Variants in C8G observed in about 807,000 individuals in gnomAD.
The protein encoded by C8G is complement component C8 gamma chain.
In C8G, 38 loss-of-function variants were observed where a neutral mutation model predicts 29.1. The ratio of observed to expected loss-of-function variants is 1.31; its 90% CI spans 1.01 to 1.71. C8G has a LOEUF of 1.71. C8G is among the 40% of genes most tolerant of loss of function. The pLI is 0.00. For synonymous variants in C8G, 158 were observed against 113.2 expected (o/e 1.40, Z -2.51); for missense variants, 300 against 267.4 (o/e 1.12, Z -0.85).
At position 136,945,936 on chromosome 9, in the gene C8G, A is replaced by T. The variant is rs761755804; in HGVS notation, c.283A>T (p.Ile95Phe). Residue 95 changes from isoleucine (I) to phenylalanine (F), a missense_variant, in exon 3 of 7, where the codon ATC becomes TTC. Transcript: ENST00000371634. ...TCCTCCCCGCCCCCCCAGGGATGGG[A>T]TCTGCTGGCAGGTGCGCCAGCTCTA... ...AVSTFRKLDG[I>F]CWQVRQLYGD... 6.4e-7 allele frequency: 1 copy of T among 1,563,262 alleles called. No individual in the cohort carries two copies.
rs1026681783 is a variant in C8G, at chr9:136,946,692, G to A, written c.595+3G>A. 1.2e-6 allele frequency: 2 copies of A among 1,612,318 alleles called. No homozygotes were observed. The highest frequency in any genetic ancestry group is 1.7e-5 in the Admixed American group (1 of 60,016). ...AGACCAGTTCCACGTCCTGGACGGT[G>A]AGTGCACAGCGGGGCAAGCATGGCG... is the stretch of plus-strand genomic sequence containing the variant. On this transcript the variant is annotated splice_donor_region_variant and intron_variant, in intron 6 of 6. Coordinates refer to ENST00000371634, the MANE Select transcript of C8G (RefSeq NM_000606.3).
At chr9:136,945,882 C>T (rs760703068) in intron 2 of C8G, 47 bp from the exon 3 acceptor site, 7 of 1,547,598 alleles carry the variant, frequency 4.5e-6, no homozygotes, top group Non-Finnish European at 5.2e-6. Flanking sequence ...ACTAGGATTC[C>T]TGGTTGGGGT....
In C8G at chr9:136,945,970, C is replaced by G; in HGVS notation, c.317C>G (p.Thr106Arg). Reference sequence around the variant, plus strand: ...CAGGTGCGCCAGCTCTATGGAGACACAGGGGTCCTCGGCCGCTTCCTGCTT... The same window carrying G: ...CAGGTGCGCCAGCTCTATGGAGACAGAGGGGTCCTCGGCCGCTTCCTGCTT... ...CWQVRQLYGD[T>R]GVLGRFLLQA... The change falls in exon 3 of 7, where the codon ACA (threonine) becomes AGA (arginine). Residue 106 changes from threonine to arginine, a missense_variant. Physicochemically the swap from Thr to Arg is moderately conservative, Grantham distance 71 (BLOSUM62 -1). Coordinates refer to ENST00000371634, the MANE Select transcript of C8G (RefSeq NM_000606.3). 1 of 1,574,858 alleles carries G rather than the reference C, an allele frequency of 6.3e-7. No individual in the cohort carries two copies. Among genetic ancestry groups the G allele is most frequent in the Non-Finnish European group, 8.6e-7 (1 of 1,160,378 alleles).
Position 136,946,756 on chromosome 9 carries a change from T to C in C8G, c.596-12T>C. ...GGCCACTGCCACCGGCTGAGTCTCG[T>C]CTCTGCTGCAGAAGTGAGGAGGTGA... On this transcript the variant is annotated splice_polypyrimidine_tract_variant and intron_variant, in intron 6 of 6. Transcript: ENST00000371634. 1 of 1,604,618 alleles carries C rather than the reference T, an allele frequency of 6.2e-7. No homozygotes were observed. Among genetic ancestry groups the C allele is most frequent in the Non-Finnish European group, 8.5e-7 (1 of 1,178,362 alleles).
At position 136,946,640 on chromosome 9, in the gene C8G, TG is replaced by T. The variant is rs1851050263; in HGVS notation, c.557-8del. On this transcript the variant is annotated splice_polypyrimidine_tract_variant and intron_variant, in intron 5 of 6. Transcript: ENST00000371634. ...CTGATGTCCAGCCTGACCCCTGCCT[TG>T]GGCCCCCAGGCTTCTGCGAGGCTGC... 3.1e-6 allele frequency: 5 copies of T among 1,613,216 alleles called. No homozygotes were observed. The highest frequency in any genetic ancestry group is 1.7e-5 in the Admixed American group (1 of 60,010).
In C8G at chr9:136,945,922, C is replaced by A. The variant is rs1303499889; in HGVS notation, c.276-7C>A. On this transcript the variant is annotated splice_polypyrimidine_tract_variant and splice_region_variant and intron_variant, in intron 2 of 6. Coordinates refer to ENST00000371634, the MANE Select transcript of C8G (RefSeq NM_000606.3). ...CAGCCTGTGGTGCCTCCTCCCCGCC[C>A]CCCCAGGGATGGGATCTGCTGGCAG... 1.3e-6 allele frequency: 2 copies of A among 1,558,244 alleles called. No homozygotes were observed. Among genetic ancestry groups the A allele is most frequent in the East Asian group, 4.8e-5 (2 of 41,642 alleles).
Position 136,946,462 on chromosome 9 carries a change from C to T in C8G, c.455-3C>T. ...GACCCCAGGAACCCTGTCTGCCCTG[C>T]AGCCCGCTCGCTCCCTGTGAGCGAC... On this transcript the variant is annotated splice_region_variant and splice_polypyrimidine_tract_variant and intron_variant, in intron 4 of 6. Transcript: ENST00000371634. 1 of 1,593,810 alleles carries T rather than the reference C, an allele frequency of 6.3e-7. No homozygotes were observed. Among genetic ancestry groups the T allele is most frequent in the Non-Finnish European group, 8.6e-7 (1 of 1,169,226 alleles).
Position 136,945,636 on chromosome 9 carries a change from T to G in C8G, c.141T>G (p.Phe47Leu), listed in dbSNP as rs755028783. Residue 47 changes from phenylalanine (F) to leucine (L), a missense_variant and splice_region_variant, in exon 2 of 7, where the codon TTT becomes TTG. Coordinates refer to ENST00000371634, the MANE Select transcript of C8G (RefSeq NM_000606.3). ...QPKANFDAQQFAGTWLLVAVG... is the reference protein window; with the variant it reads ...QPKANFDAQQLAGTWLLVAVG... ...GTTCTCCCATGGTCTGCCCCCAGTT[T>G]GCAGGGACCTGGCTCCTTGTGGCTG... 6.2e-7 allele frequency: 1 copy of G among 1,609,472 alleles called. No individual in the cohort carries two copies. Among genetic ancestry groups the G allele is most frequent in the East Asian group, 2.2e-5 (1 of 44,838 alleles).
intron 4 of C8G, 69 bp downstream of exon 4, chr9:136,946,261 G>A (rs1288817484): frequency 2.2e-5 from 32 of 1,428,488 alleles, no homozygotes; most frequent in Non-Finnish European, 1.9e-5. Context: ...GCCACCCCGA[G>A]GGGCTGGGTG....
chr9:136,946,350 C>T (rs1283463033), intron 4 of C8G, 115 bp from the exon 5 acceptor site: 2 of 1,427,666 alleles, frequency 1.4e-6, no homozygotes, highest in African/African-American at 2.9e-5. Context: ...GACAGACAGG[C>T]CTGGTGTGGG....
At chr9:136,946,728 G>T in intron 6 of C8G, 39 bp downstream of exon 6, 1 of 1,609,556 alleles carries the variant, frequency 6.2e-7, no homozygotes. Flanking sequence ...GCGTGGTGAG[G>T]GGGGCCACTG....
Position 136,946,453 on chromosome 9 carries a change from T to A in C8G, c.455-12T>A. 1 of 1,584,630 alleles carries A rather than the reference T, an allele frequency of 6.3e-7. No homozygotes were observed. Among genetic ancestry groups the A allele is most frequent in the Non-Finnish European group, 8.6e-7 (1 of 1,164,540 alleles). ...TGGTGCCAGGACCCCAGGAACCCTGTCTGCCCTGCAGCCCGCTCGCTCCCT... is the reference window on the plus strand; with the variant it reads ...TGGTGCCAGGACCCCAGGAACCCTGACTGCCCTGCAGCCCGCTCGCTCCCT... On this transcript the variant is annotated splice_polypyrimidine_tract_variant and intron_variant, in intron 4 of 6. Coordinates refer to ENST00000371634, the MANE Select transcript of C8G (RefSeq NM_000606.3).
At chr9:136,946,240 ACACT>A (rs1851035146) in intron 4 of C8G, 48 bp downstream of exon 4, 1 of 1,487,084 alleles carries the variant, frequency 6.7e-7, no homozygotes, top group African/African-American at 1.4e-5. Flanking sequence ...CAAGCTCTGC[ACACT>A]CACTGGGCCA....
At position 136,945,475 on chromosome 9, in the gene C8G, G is replaced by A. The variant is rs199870052; in HGVS notation, c.138+17G>A. On this transcript the variant is annotated intron_variant, in intron 1 of 6. Coordinates refer to ENST00000371634, the MANE Select transcript of C8G (RefSeq NM_000606.3). ...GCTCAGCAGGTAGAAGTTGGGGGGG[G>A]TAGAGGGAGGCAGGTAGAAGTTGTG... 5.0e-5 allele frequency: 78 copies of A among 1,559,940 alleles called. No homozygotes were observed. In the African/African-American group the frequency reaches 8.7e-4, roughly 17 times the overall value.
At position 136,946,093 on chromosome 9, in the gene C8G, G is replaced by A. The variant is rs576335345; in HGVS notation, c.355G>A (p.Ala119Thr). The change falls in exon 4 of 7, where the codon GCC becomes ACC. Residue 119 changes from alanine to threonine, a missense_variant. By Grantham distance (58) the Ala-to-Thr change is moderately conservative. Coordinates refer to ENST00000371634, the MANE Select transcript of C8G (RefSeq NM_000606.3). ...LGRFLLQARD[A>T]RGAVHVVVAE... is the part of the protein sequence containing the mutation. ...CTGTGGCTCTGCCCCAGCCCGAGAC[G>A]CCCGAGGGGCTGTGCACGTGGTTGT... is the stretch of plus-strand genomic sequence containing the variant. The A allele has an allele frequency of 9.6e-5, 154 of 1,602,216 alleles. 1 individual carries two copies. The African/African-American group carries it at 1.3e-3, about 14-fold the overall frequency.
In C8G at chr9:136,946,466, C is replaced by CCGCT; in HGVS notation, c.462_465dup (p.Pro156AlafsTer12). 1 of 1,598,024 alleles carries CCGCT rather than the reference C, an allele frequency of 6.3e-7. No homozygotes were observed. On this transcript the variant is annotated frameshift_variant and splice_region_variant, in exon 5 of 7. Transcript: ENST00000371634. LOFTEE classifies it high-confidence loss of function. ...CCAGGAACCCTGTCTGCCCTGCAGCCCGCTCGCTCCCTGTGAGCGACTCGG... is the reference window on the plus strand; with the variant it reads ...CCAGGAACCCTGTCTGCCCTGCAGCCCGCTCGCTCGCTCCCTGTGAGCGACTCGG...
In C8G at chr9:136,946,324, G is replaced by A. The variant is rs1430256637; in HGVS notation, c.454+132G>A. 5 of 1,380,196 alleles carry A rather than the reference G, an allele frequency of 3.6e-6. No individual in the cohort carries two copies. In the African/African-American group the frequency reaches 4.4e-5, roughly 12 times the overall value. 85.5% of individuals were successfully genotyped at this position (1,380,196 alleles called of 1,614,324 possible). Reference sequence around the variant, plus strand: ...CCATCCTGATCCTCCTGCTAAGCAGGGGCCCAGGGAGTAGTGACAGACAGG... The same window carrying A: ...CCATCCTGATCCTCCTGCTAAGCAGAGGCCCAGGGAGTAGTGACAGACAGG... On this transcript the variant is annotated intron_variant, in intron 4 of 6. Transcript: ENST00000371634.
At position 136,945,299 on chromosome 9, in the gene C8G, C is replaced by T. The variant is rs771873095; in HGVS notation, c.-22C>T. On this transcript the variant is annotated 5_prime_UTR_variant, in exon 1 of 7. Coordinates refer to ENST00000371634, the MANE Select transcript of C8G (RefSeq NM_000606.3). ...GTGCTACCCTTGGCCTCCCACAGTC[C>T]TGCCACCCTGCTGCCGCCACCATGC... 1.3e-6 allele frequency: 2 copies of T among 1,585,988 alleles called. No homozygotes were observed. Among genetic ancestry groups the T allele is most frequent in the African/African-American group, 1.3e-5 (1 of 74,576 alleles).
At position 136,946,658 on chromosome 9, in the gene C8G, C is replaced by A; in HGVS notation, c.564C>A (p.Cys188Ter). 6.2e-7 allele frequency: 1 copy of A among 1,613,040 alleles called. No homozygotes were observed. The highest frequency in any genetic ancestry group is 8.5e-7 in the Non-Finnish European group (1 of 1,179,940). The change falls in exon 6 of 7, where the codon TGC becomes TGA. Residue 188 changes from cysteine (C) to a stop codon, truncating the protein, a stop_gained. Transcript: ENST00000371634. LOFTEE classifies it high-confidence loss of function. Reference protein sequence around the residue: ...QIFYFPKYGFCEAADQFHVLD... With the variant: ...QIFYFPKYGF ...CCTGCCTTGGGCCCCCAGGCTTCTG[C>A]GAGGCTGCAGACCAGTTCCACGTCC...
Sources: gnomAD v4.1 joint callset for allele counts on GRCh38, gnomAD v4.1.1 for gene constraint, MANE v1.5 for transcripts, NCBI Gene and HGNC (gene_info 2026-07-23, HGNC 2026-07-21) for gene names.